Variants in DPP6 observed in about 807,000 individuals in gnomAD.
DPP6 encodes the protein dipeptidyl peptidase like 6.
Under a neutral mutation model 122.6 loss-of-function variants are expected in DPP6, and 69 were observed. That is an observed-to-expected ratio of 0.56 (90% CI 0.46 to 0.69). The LOEUF is 0.69. Among genes scored for constraint, DPP6 ranks in the 30% least tolerant of loss-of-function variants. The pLI is 0.00. For synonymous variants in DPP6, 418 were observed against 433.1 expected, an observed-to-expected ratio of 0.97 and a Z score of 0.43; for missense variants, 928 against 1,116.9, an observed-to-expected ratio of 0.83 and a Z score of 2.41.
chr7:154,694,245 C>T (rs2131232200), intron 7 of DPP6, among the ~76,000 whole-genome samples: 1 of 152,250 alleles, frequency 6.6e-6, no homozygotes, highest in Admixed American at 6.5e-5. Context: ...TTCCTAATAC[C>T]ATCCCATTGG....
chr7:154,398,057 T>C (rs1031037044), intron 1 of DPP6, among the ~76,000 whole-genome samples: 3 of 152,214 alleles, frequency 2.0e-5, no homozygotes, highest in African/African-American at 7.2e-5. Context: ...CTGGGCATGG[T>C]AAAACTGTTA....
In DPP6 at chr7:154,029,642, C is replaced by T. The variant is rs1410101555; in HGVS notation, c.51+141908C>T. Among the ~76,000 whole-genome samples, 8 of 145,064 alleles carry T rather than the reference C, an allele frequency of 5.5e-5. No homozygotes were observed. The East Asian group carries it at 8.5e-4, about 15-fold the overall frequency. ...TAGGTGGATCATGAGGTCAGGAGATCGAGACCATCCTGGCTAACATGGTGA... is the reference window on the plus strand; with the variant it reads ...TAGGTGGATCATGAGGTCAGGAGATTGAGACCATCCTGGCTAACATGGTGA... On this transcript the variant is annotated intron_variant, in intron 1 of 25. Transcript: ENST00000404039.
At chr7:154,709,586 C>CTTTT (rs3080667) in intron 7 of DPP6, among the ~76,000 whole-genome samples, 3 of 141,590 alleles carry the variant, frequency 2.1e-5, no homozygotes, top group African/African-American at 5.2e-5. Context: ...CGACATTTTT[C>CTTTT]TTTTTTTTTT....
At chr7:153,779,140 G>C in the DPP6 span, among the ~76,000 whole-genome samples, 1 of 148,244 alleles carries the variant, frequency 6.7e-6, no homozygotes, top group Non-Finnish European at 1.5e-5. Context: ...AAAGTACAGA[G>C]ACAAAGATCA....
chr7:154,779,015 C>CATCATCACCTCCACCA (rs376330223), intron 10 of DPP6, among the ~76,000 whole-genome samples: 1 of 2,840 alleles, frequency 3.5e-4, no homozygotes, highest in Non-Finnish European at 7.3e-4. Flanking sequence ...CCACCAGCAC[C>CATCATCACCTCCACCA]CCACCATCAC....
At position 154,255,566 on chromosome 7, in the gene DPP6, G is replaced by T. The variant is rs904872572; in HGVS notation, c.244-190648G>T. On this transcript the variant is annotated intron_variant, in intron 1 of 25. Transcript: ENST00000377770. ...TGTTACCCTTGAACCAGGCAGACGT[G>T]GGGGAGGCCCAGGCGTCTCATCTCT... Among the ~76,000 whole-genome samples, 85 of 151,732 alleles carry T rather than the reference G, an allele frequency of 5.6e-4. 1 individual carries two copies. Among genetic ancestry groups the T allele is most frequent in the Admixed American group, 4.1e-3 (63 of 15,278 alleles).
At chr7:154,520,212 A>G (rs923158012) in intron 3 of DPP6, among the ~76,000 whole-genome samples, 1 of 152,212 alleles carries the variant, frequency 6.6e-6, no homozygotes, top group African/African-American at 2.4e-5. Flanking sequence ...TTGTCTCTCA[A>G]ATTTATTTAT....
intron 1 of DPP6, among the ~76,000 whole-genome samples, chr7:154,151,148 G>A (rs1796395635): frequency 6.6e-6 from 1 of 152,194 alleles, no homozygotes; most frequent in Non-Finnish European, 1.5e-5. Flanking sequence ...GTGGTTTTCA[G>A]TAGAGGCTTC....
intron 1 of DPP6, among the ~76,000 whole-genome samples, chr7:154,216,570 C>T (rs777334703): frequency 3.9e-5 from 6 of 152,160 alleles, no homozygotes; most frequent in Non-Finnish European, 8.8e-5. Context: ...ACAAATCCAC[C>T]TTCATCCATA....
chr7:153,999,687 G>A (rs1359000551), intron 1 of DPP6, among the ~76,000 whole-genome samples: 2 of 152,188 alleles, frequency 1.3e-5, no homozygotes, highest in East Asian at 3.9e-4. Context: ...GGCAGTGGGG[G>A]GTGGCTCACG....
chr7:153,943,211 G>C (rs1256248062), intron 1 of DPP6, among the ~76,000 whole-genome samples: 1 of 152,190 alleles, frequency 6.6e-6, no homozygotes, highest in Non-Finnish European at 1.5e-5. Context: ...CCAAAGGAAT[G>C]AATCTCTAAT....
Position 154,889,771 on chromosome 7 carries a change from C to T in DPP6, c.2451+241C>T, listed in dbSNP as rs368981511. On this transcript the variant is annotated intron_variant, in intron 25 of 25. Coordinates refer to ENST00000377770, the MANE Select transcript of DPP6 (RefSeq NM_130797.4). ...AATCCCTTTAGGACAACCATCTCCC[C>T]GTACTCCCACCCCAGCCCTGCTCCC... The T allele has an allele frequency of 3.2e-5, 19 of 600,232 alleles. 1 individual carries two copies. The highest frequency in any genetic ancestry group is 7.5e-5 in the African/African-American group (4 of 53,616). 37.2% of individuals were successfully genotyped at this position (600,232 alleles called of 1,614,324 possible). A position where few individuals can be genotyped will look rare whatever the true frequency, so the allele number is the denominator to read the frequency against.
At chr7:154,385,991 CATG>C (rs1814071539) in intron 1 of DPP6, among the ~76,000 whole-genome samples, 1 of 152,124 alleles carries the variant, frequency 6.6e-6, no homozygotes, top group Non-Finnish European at 1.5e-5. Flanking sequence ...GTCTGGTCTT[CATG>C]ATATCATTCT....
chr7:154,689,973 G>A (rs947139645), intron 7 of DPP6, among the ~76,000 whole-genome samples: 1 of 152,104 alleles, frequency 6.6e-6, no homozygotes, highest in Non-Finnish European at 1.5e-5. Flanking sequence ...GCTTTGCTTG[G>A]CAGGAATACA....
chr7:154,703,965 A>T (rs1190844985), intron 7 of DPP6, among the ~76,000 whole-genome samples: 2 of 152,182 alleles, frequency 1.3e-5, no homozygotes, highest in East Asian at 1.9e-4. Flanking sequence ...AATACGTTTC[A>T]TAAAGCTATA....
intron 1 of DPP6, among the ~76,000 whole-genome samples, chr7:154,197,594 C>G (rs904653050): frequency 1.3e-5 from 2 of 152,196 alleles, no homozygotes; most frequent in African/African-American, 4.8e-5. Context: ...CTGTTCTCCA[C>G]TTTCCACTCT....
At chr7:154,407,594 T>G (rs1185624733) in intron 1 of DPP6, among the ~76,000 whole-genome samples, 1 of 152,244 alleles carries the variant, frequency 6.6e-6, no homozygotes, top group Non-Finnish European at 1.5e-5. Context: ...TGGTTGGCCC[T>G]TACAGTTCAT....
the DPP6 span, among the ~76,000 whole-genome samples, chr7:153,830,309 T>G: frequency 6.6e-6 from 1 of 152,206 alleles, no homozygotes; most frequent in Non-Finnish European, 1.5e-5. Context: ...TGGAAGGGTT[T>G]CAAAGCTTTG....
rs896673796 is a variant in DPP6 at position 154,601,433 on chromosome 7, T to C, written c.627+34517T>C. On this transcript the variant is annotated intron_variant, in intron 5 of 25. Transcript: ENST00000377770. ...AGGATTTTCTTGTCTTATCATTGAATTGACCTTTTCATCATTATGAAATGT... is the reference window on the plus strand; with the variant it reads ...AGGATTTTCTTGTCTTATCATTGAACTGACCTTTTCATCATTATGAAATGT... 4.1e-5 allele frequency among the ~76,000 whole-genome samples: 5 copies of C among 121,468 alleles called. 2 individuals are homozygous for C. The highest frequency in any genetic ancestry group is 1.3e-4 in the African/African-American group (5 of 38,176). 79.7% of individuals were successfully genotyped at this position (121,468 alleles called of 152,430 possible).
Sources: gnomAD v4.1 joint callset for allele counts (sites outside exome capture counted in the v4.1 genomes callset) on GRCh38, gnomAD v4.1.1 for gene constraint, MANE v1.5 for transcripts, NCBI Gene and HGNC (gene_info 2026-07-23, HGNC 2026-07-21) for gene names.